The following MIPOL1 variants were observed in gnomAD, a reference collection of about 807,000 sequenced individuals.
MIPOL1 encodes mirror-image polydactyly 1.
A neutral mutation model predicts 60.9 loss-of-function variants in MIPOL1; 57 were observed. The ratio of observed to expected loss-of-function variants is 0.94; its 90% CI spans 0.76 to 1.17. The LOEUF is 1.17. MIPOL1 is among the 50% of genes most tolerant of loss of function. The probability of loss-of-function intolerance (pLI) is 0.00; values close to 1 mark genes in which losing one functional copy is unlikely to be tolerated. For synonymous variants in MIPOL1, 179 were observed against 168.8 expected (o/e 1.06, Z -0.47); for missense variants, 551 against 511.6 (o/e 1.08, Z -0.74).
chr14:37,527,791 C>T (rs2153634716), intron 12 of MIPOL1, among the ~76,000 whole-genome samples: 1 of 151,950 alleles, frequency 6.6e-6, no homozygotes, highest in East Asian at 1.9e-4. Context: ...ACCACATGTC[C>T]CCTTAATTTA....
chr14:37,287,760 A>G (rs2084697363), intron 7 of MIPOL1, among the ~76,000 whole-genome samples: 2 of 152,148 alleles, frequency 1.3e-5, no homozygotes, highest in Non-Finnish European at 2.9e-5. Flanking sequence ...GGAGTCATCA[A>G]ATTTTTTTCT....
chr14:37,448,051 G>C (rs1358652856), intron 11 of MIPOL1, among the ~76,000 whole-genome samples: 1 of 152,018 alleles, frequency 6.6e-6, no homozygotes, highest in Non-Finnish European at 1.5e-5. Context: ...TCATTACAAG[G>C]CTGCAAACTG....
chr14:37,357,124 A>C (rs2091901347), intron 9 of MIPOL1, among the ~76,000 whole-genome samples: 2 of 152,212 alleles, frequency 1.3e-5, no homozygotes, highest in South Asian at 4.1e-4. Context: ...GTATATACCC[A>C]GTAGTGGGAT....
chr14:37,237,603 T>A (rs1971690686), intron 1 of MIPOL1, among the ~76,000 whole-genome samples: 1 of 152,170 alleles, frequency 6.6e-6, no homozygotes, highest in Admixed American at 6.5e-5. Flanking sequence ...TTTGACTTTT[T>A]AAAAAAAGTT....
At chr14:37,461,090 T>C (rs2094533538) in intron 11 of MIPOL1, among the ~76,000 whole-genome samples, 1 of 152,166 alleles carries the variant, frequency 6.6e-6, no homozygotes, top group Non-Finnish European at 1.5e-5. Context: ...AGGCATCACA[T>C]TACCTGACTT....
At chr14:37,232,944 A>G (rs1039817728) in intron 1 of MIPOL1, among the ~76,000 whole-genome samples, 1 of 152,222 alleles carries the variant, frequency 6.6e-6, no homozygotes, top group Non-Finnish European at 1.5e-5. Context: ...TAGTCATCCT[A>G]AGTGAGTATA....
rs202086151 is a variant in MIPOL1, at chr14:37,302,301, C to T, written c.624-5755C>T. ...TTTTTTTCTTGTTTTGGATGTTAGA[C>T]ATTCTAACAGGTGTGTAGTAGTATC... On this transcript the variant is annotated intron_variant, in intron 7 of 12. Coordinates refer to ENST00000684589, the MANE Select transcript of MIPOL1 (RefSeq NM_001388067.1). Among the ~76,000 whole-genome samples the T allele has an allele frequency of 1.3e-4, 16 of 125,112 alleles. No homozygotes were observed. The East Asian group carries it at 4.4e-3, about 35-fold the overall frequency. The allele number at this position is 125,112 out of a possible 152,430, so 82.1% of individuals were successfully genotyped here. A position where few individuals can be genotyped will look rare whatever the true frequency, so the allele number is the denominator to read the frequency against.
At chr14:37,312,745 G>A (rs1036257298) in intron 9 of MIPOL1, among the ~76,000 whole-genome samples, 3 of 151,976 alleles carry the variant, frequency 2.0e-5, no homozygotes, top group Non-Finnish European at 4.4e-5. Context: ...ATTATAATTA[G>A]CAATTGTTTG....
intron 11 of MIPOL1, among the ~76,000 whole-genome samples, chr14:37,470,744 T>C (rs2094675788): frequency 6.6e-6 from 1 of 151,724 alleles, no homozygotes; most frequent in South Asian, 2.1e-4. Context: ...AAGACACAAG[T>C]TAAAGGTTGA....
intron 7 of MIPOL1, among the ~76,000 whole-genome samples, chr14:37,307,073 A>C (rs2086845502): frequency 6.6e-6 from 1 of 151,784 alleles, no homozygotes; most frequent in African/African-American, 2.4e-5. Context: ...CCAGTTGTGA[A>C]GTTTGGAACC....
intron 6 of MIPOL1, among the ~76,000 whole-genome samples, chr14:37,275,489 A>T: frequency 6.6e-6 from 1 of 151,286 alleles, no homozygotes; most frequent in East Asian, 1.9e-4. Context: ...TGCATCCATT[A>T]ATTTGCTCTT....
At chr14:37,524,155 C>T (rs192610724) in intron 12 of MIPOL1, among the ~76,000 whole-genome samples, 4 of 152,150 alleles carry the variant, frequency 2.6e-5, no homozygotes, top group East Asian at 1.9e-4. Flanking sequence ...GATTTCAATC[C>T]GGGATATATT....
chr14:37,445,973 G>C (rs2094327505), intron 11 of MIPOL1, among the ~76,000 whole-genome samples: 1 of 152,088 alleles, frequency 6.6e-6, no homozygotes, highest in Non-Finnish European at 1.5e-5. Flanking sequence ...AAAAACCCTA[G>C]AAGAAAACCT....
intron 10 of MIPOL1, among the ~76,000 whole-genome samples, chr14:37,371,031 C>T (rs987648783): frequency 6.6e-6 from 1 of 151,780 alleles, no homozygotes; most frequent in Non-Finnish European, 1.5e-5. Flanking sequence ...ATTTCATGAT[C>T]TTTATTCTGG....
At chr14:37,491,756 A>G (rs1322948344) in intron 11 of MIPOL1, among the ~76,000 whole-genome samples, 1 of 152,198 alleles carries the variant, frequency 6.6e-6, no homozygotes, top group African/African-American at 2.4e-5. Flanking sequence ...TTACTTTATA[A>G]TAAAGAAATT....
intron 9 of MIPOL1, among the ~76,000 whole-genome samples, chr14:37,332,898 A>G (rs1488140250): frequency 1.3e-5 from 2 of 152,208 alleles, no homozygotes; most frequent in East Asian, 3.8e-4. Flanking sequence ...TTGCTATGAT[A>G]CACAATTTAC....
intron 1 of MIPOL1, among the ~76,000 whole-genome samples, chr14:37,217,274 A>G (rs759756410): frequency 1.3e-5 from 2 of 152,200 alleles, no homozygotes; most frequent in Non-Finnish European, 2.9e-5. Flanking sequence ...CAGTGATGAA[A>G]AGCCCAAGAC....
intron 12 of MIPOL1, among the ~76,000 whole-genome samples, chr14:37,533,846 T>G (rs1370093187): frequency 6.6e-6 from 1 of 152,142 alleles, no homozygotes; most frequent in Non-Finnish European, 1.5e-5. Flanking sequence ...TTTGTAAGCT[T>G]CTTTTTTCTT....
intron 11 of MIPOL1, among the ~76,000 whole-genome samples, chr14:37,454,811 A>G (rs1388632154): frequency 2.6e-5 from 4 of 152,210 alleles, no homozygotes; most frequent in Non-Finnish European, 2.9e-5. Context: ...TTCTCTCAGT[A>G]CTGAGCACAT....
Sources: gnomAD v4.1 joint callset for allele counts (sites outside exome capture counted in the v4.1 genomes callset) on GRCh38, gnomAD v4.1.1 for gene constraint, MANE v1.5 for transcripts, NCBI Gene and HGNC (gene_info 2026-07-23, HGNC 2026-07-21) for gene names.